The following SCN10A variants were observed in gnomAD, a reference collection of about 807,000 sequenced individuals.
SCN10A encodes sodium channel protein type 10 subunit alpha.
In SCN10A, 162 loss-of-function variants were observed where a neutral mutation model predicts 170.7. The ratio of observed to expected loss-of-function variants is 0.95; its 90% CI spans 0.84 to 1.08. The LOEUF is 1.08. Among genes scored for constraint, SCN10A ranks in the 50% least tolerant of loss-of-function variants. The pLI is 0.00. For synonymous variants in SCN10A, 985 were observed against 904.6 expected, an observed-to-expected ratio of 1.09 and a Z score of -1.59; for missense variants, 2,527 against 2,436.9, an observed-to-expected ratio of 1.04 and a Z score of -0.78.
chr3:38,750,175 C>A lies in SCN10A; in HGVS notation c.1765G>T (p.Ala589Ser), dbSNP rs1339984747. ...PGAVDVSAFD[A>S]GQKKTFLSAE... ...GACAAGAAAGTCTTCTTTTGTCCTGCATCGAATGCCTGTTGAGACACAAAC... is the reference window on the plus strand; with the variant it reads ...GACAAGAAAGTCTTCTTTTGTCCTGAATCGAATGCCTGTTGAGACACAAAC... The change falls in exon 13 of 28, where the codon GCA becomes TCA. Residue 589 changes from alanine (A) to serine (S), a missense_variant. Physicochemically the swap from Ala to Ser is moderately conservative, Grantham distance 99 (BLOSUM62 1). Transcript: ENST00000449082. The A allele has an allele frequency of 6.2e-7, 1 of 1,605,456 alleles. No homozygotes were observed. Among genetic ancestry groups the A allele is most frequent in the South Asian group, 1.1e-5 (1 of 90,500 alleles).
At position 38,793,987 on chromosome 3, in the gene SCN10A, G is replaced by C. The variant is rs908596711; in HGVS notation, c.24C>G (p.Leu8=). 3.7e-6 allele frequency: 6 copies of C among 1,613,732 alleles called. No homozygotes were observed. The highest frequency in any genetic ancestry group is 1.7e-5 in the Admixed American group (1 of 59,968). The change falls in exon 2 of 28, where the codon CTC becomes CTG. Residue 8 remains leucine (L), a synonymous_variant. Transcript: ENST00000449082. MEFPIGS[L]ETNNFRRFTP... is the part of the protein sequence containing the mutation. ...TAAAGCGACGGAAGTTGTTAGTTTC[G>C]AGGGATCCAATGGGGAATTCCATCT...
rs780315709 is a variant in SCN10A at position 38,752,445 on chromosome 3, G to A, written c.1529C>T (p.Pro510Leu). The A allele has an allele frequency of 3.2e-5, 51 of 1,612,876 alleles. No homozygotes were observed. Among genetic ancestry groups the A allele is most frequent in the Non-Finnish European group, 4.1e-5 (48 of 1,179,550 alleles). Residue 510 changes from proline to leucine, a missense_variant, in exon 12 of 28, where the codon CCT (proline) becomes CTT (leucine). Transcript: ENST00000449082. ...SHGSVFHFRSPGRDISLPEGV... is the reference protein window; with the variant it reads ...SHGSVFHFRSLGRDISLPEGV... Reference sequence around the variant, plus strand: ...CTCAGGGAGTGAGATATCTCGGCCAGGGGACCGGAAATGGAACACACTGCC... The same window carrying A: ...CTCAGGGAGTGAGATATCTCGGCCAAGGGACCGGAAATGGAACACACTGCC...
intron 4 of SCN10A, among the ~76,000 whole-genome samples, chr3:38,778,959 A>G (rs1559460711): frequency 6.6e-6 from 1 of 152,104 alleles, no homozygotes. Context: ...CAGTTCAGTT[A>G]ATACAAAATC....
At chr3:38,710,046 C>G (rs1406363245) in intron 24 of SCN10A, among the ~76,000 whole-genome samples, 3 of 152,160 alleles carry the variant, frequency 2.0e-5, no homozygotes, top group Non-Finnish European at 4.4e-5. Context: ...AGAAGTGCAG[C>G]CTGCAGGTGA....
chr3:38,712,705 C>G (rs759578019), intron 22 of SCN10A, among the ~76,000 whole-genome samples: 24 of 152,336 alleles, frequency 1.6e-4, no homozygotes, highest in Middle Eastern at 6.8e-3. Flanking sequence ...TACAAGCATA[C>G]TGCACTCATT....
chr3:38,718,594 G>A, intron 21 of SCN10A, 59 bp downstream of exon 21: 2 of 1,563,312 alleles, frequency 1.3e-6, no homozygotes, highest in East Asian at 2.2e-5. Flanking sequence ...TGCCCTAGCT[G>A]TAGCCAGGAG....
At chr3:38,710,958 C>T in intron 23 of SCN10A, 61 bp from the exon 24 acceptor site, 5 of 1,438,156 alleles carry the variant, frequency 3.5e-6, no homozygotes, top group Non-Finnish European at 4.9e-6. Flanking sequence ...GGACCCTTCC[C>T]AAGCCATGGT....
intron 13 of SCN10A, among the ~76,000 whole-genome samples, chr3:38,747,256 C>T (rs2063701299): frequency 1.3e-5 from 2 of 152,114 alleles, no homozygotes; most frequent in Non-Finnish European, 2.9e-5. Flanking sequence ...TATTTTCTTC[C>T]TTTTTATCAG....
chr3:38,736,963 G>GTTTTTTTTTTTTGTTTT, intron 15 of SCN10A, among the ~76,000 whole-genome samples: 1 of 46,666 alleles, frequency 2.1e-5, no homozygotes. Flanking sequence ...AGAAATGTTC[G>GTTTTTTTTTTTTGTTTT]TTTTTTTTTT....
At chr3:38,709,844 T>C (rs894500847) in intron 24 of SCN10A, among the ~76,000 whole-genome samples, 2 of 152,198 alleles carry the variant, frequency 1.3e-5, no homozygotes, top group Non-Finnish European at 2.9e-5. Flanking sequence ...GCAATCCTAC[T>C]GGGGTCCTCT....
At chr3:38,803,429 A>T (rs182807427) in intron 1 of SCN10A, among the ~76,000 whole-genome samples, 7 of 152,294 alleles carry the variant, frequency 4.6e-5, no homozygotes, top group African/African-American at 7.2e-5. Flanking sequence ...GACTGGATTA[A>T]GAAAATGTGG....
chr3:38,728,440 T>G, intron 16 of SCN10A, 102 bp downstream of exon 16: 1 of 1,303,166 alleles, frequency 7.7e-7, no homozygotes, highest in African/African-American at 1.5e-5. Flanking sequence ...ACCAGAGAAG[T>G]ACAATCTGGG....
At chr3:38,792,293 G>GGAAC (rs1303685658) in intron 2 of SCN10A, 125 bp from the exon 3 acceptor site, 20 of 1,164,736 alleles carry the variant, frequency 1.7e-5, no homozygotes, top group Non-Finnish European at 2.2e-5. Flanking sequence ...GGAACTACAG[G>GGAAC]TCAATGAGAG....
At chr3:38,741,759 G>T (rs1050291007) in intron 14 of SCN10A, among the ~76,000 whole-genome samples, 1 of 152,190 alleles carries the variant, frequency 6.6e-6, no homozygotes, top group Non-Finnish European at 1.5e-5. Flanking sequence ...TGATGCTTTT[G>T]TTACAACAGC....
chr3:38,707,444 G>A, intron 25 of SCN10A, 61 bp from the exon 26 acceptor site: 2 of 1,535,394 alleles, frequency 1.3e-6, no homozygotes, highest in Non-Finnish European at 1.8e-6. Context: ...ACCAAAATCA[G>A]AACAGGCAGG....
Position 38,750,021 on chromosome 3 carries a change from A to T in SCN10A, c.1867+52T>A. The T allele has an allele frequency of 2.0e-6, 2 of 1,003,316 alleles. 1 individual carries two copies. The highest frequency in any genetic ancestry group is 2.8e-5 in the South Asian group (2 of 71,428). The allele number at this position is 1,003,316 out of a possible 1,614,324, so 62.2% of individuals were successfully genotyped here. A position where few individuals can be genotyped will look rare whatever the true frequency, so the allele number is the denominator to read the frequency against. On this transcript the variant is annotated intron_variant, in intron 13 of 27. Transcript: ENST00000449082. ...TAGAGACATTGCTTCTGCTGCTCAC[A>T]TGGGAATTCATCATGACACAGTGGA...
At chr3:38,771,179 CACTCTGTCCAAGTGGG>C in intron 5 of SCN10A, 84 bp downstream of exon 5, 1 of 1,345,752 alleles carries the variant, frequency 7.4e-7, no homozygotes, top group Non-Finnish European at 1.0e-6. Flanking sequence ...TGAGTCTCCA[CACTCTGTCCAAGTGGG>C]ACCTGCATGT....
intron 11 of SCN10A, among the ~76,000 whole-genome samples, chr3:38,753,407 C>T (rs55849713): frequency 0.083 from 12,585 of 152,198 alleles, 723 homozygotes; most frequent in East Asian, 0.19. Context: ...CCGATTTATT[C>T]CACTCACCTT....
chr3:38,753,811 G>A (rs1038101284), intron 11 of SCN10A, among the ~76,000 whole-genome samples: 4 of 152,190 alleles, frequency 2.6e-5, no homozygotes, highest in Non-Finnish European at 5.9e-5. Flanking sequence ...TAGAATTAAG[G>A]TTTTGACAAA....
Sources: gnomAD v4.1 joint callset for allele counts (sites outside exome capture counted in the v4.1 genomes callset) on GRCh38, gnomAD v4.1.1 for gene constraint, MANE v1.5 for transcripts, NCBI Gene and HGNC (gene_info 2026-07-23, HGNC 2026-07-21) for gene names.